The following SMARCE1 variants were observed in gnomAD, a reference collection of about 807,000 sequenced individuals.
The protein encoded by SMARCE1 is SWI/SNF related BAF chromatin remodeling complex subunit E1, also known as SWI/SNF-related matrix-associated actin-dependent regulator of chromatin subfamily E member 1.
SMARCE1 carries 13 observed loss-of-function variants against 54.9 expected under a neutral mutation model. The ratio of observed to expected loss-of-function variants is 0.24; its 90% CI spans 0.15 to 0.38. The LOEUF is 0.38. SMARCE1 is among the 10% of genes least tolerant of loss of function. SMARCE1 has a pLI of 1.00. For missense variants in SMARCE1, 295 were observed against 523.8 expected, an observed-to-expected ratio of 0.56 and a Z score of 4.26; for synonymous variants, 151 against 175.3, an observed-to-expected ratio of 0.86 and a Z score of 1.10.
In SMARCE1 at chr17:40,630,727, A is replaced by C. The variant is rs1244331694; in HGVS notation, c.1014T>G (p.Ile338Met). The C allele has an allele frequency of 6.2e-7, 1 of 1,613,960 alleles. No individual in the cohort carries two copies. Among genetic ancestry groups the C allele is most frequent in the Non-Finnish European group, 8.5e-7 (1 of 1,179,942 alleles). ...KGEEKKDDEN[I>M]PMETEETHLE... is the part of the protein sequence containing the mutation. ...CTAGTGGGTTACCTGTCTCCATCGG[A>C]ATGTTCTCGTCGTCTTTCTTCTCCT... Residue 338 changes from isoleucine (I) to methionine (M), a missense_variant, in exon 10 of 11, where the codon ATT (isoleucine) becomes ATG (methionine). By Grantham distance (10) the Ile-to-Met change is conservative. This residue lies in a region of SMARCE1 where 147 missense variants were observed against 161.4 expected (regional missense o/e 0.91). Coordinates refer to ENST00000348513, the MANE Select transcript of SMARCE1 (RefSeq NM_003079.5).
chr17:40,627,344 C>G lies in SMARCE1; in HGVS notation c.*1441G>C, dbSNP rs1034497536. ...CCACTTAAATTAACTCATGCTGGTA[C>G]AGAGTCCTCTCCATATAGGCACAGG... On this transcript the variant is annotated 3_prime_UTR_variant, in exon 11 of 11. Coordinates refer to ENST00000348513, the MANE Select transcript of SMARCE1 (RefSeq NM_003079.5). 3 of 150,952 alleles carry G rather than the reference C, an allele frequency of 2.0e-5. No homozygotes were observed. The highest frequency in any genetic ancestry group is 7.5e-5 in the African/African-American group (3 of 40,258). The allele number at this position is 150,952 out of a possible 1,614,324, so 9.4% of individuals were successfully genotyped here.
chr17:40,630,220 T>A, intron 10 of SMARCE1: 1 of 1,513,600 alleles, frequency 6.6e-7, no homozygotes, highest in Non-Finnish European at 9.0e-7. Flanking sequence ...TGAGGGATGC[T>A]TTTAATCAGG....
In SMARCE1 at chr17:40,642,236, A is replaced by T. The variant is rs1597749582; in HGVS notation, c.156+219T>A. ...CAAGGCTTTAACCCTACCAACCACC[A>T]AACAGAATGGATTTTTCTTTTCTTC... On this transcript the variant is annotated intron_variant, in intron 4 of 10. Coordinates refer to ENST00000348513, the MANE Select transcript of SMARCE1 (RefSeq NM_003079.5). The surrounding 1 kb of genome is among the most constrained non-coding windows in gnomAD (Gnocchi z 4.6). The T allele has an allele frequency of 1.6e-6, 1 of 618,842 alleles. No individual in the cohort carries two copies. The highest frequency in any genetic ancestry group is 2.8e-6 in the Non-Finnish European group (1 of 350,936). The allele number at this position is 618,842 out of a possible 1,614,324, so 38.3% of individuals were successfully genotyped here. A position where few individuals can be genotyped will look rare whatever the true frequency, so the allele number is the denominator to read the frequency against.
chr17:40,642,763 T>C lies in SMARCE1; in HGVS notation c.52-204A>G. 1 of 543,086 alleles carries C rather than the reference T, an allele frequency of 1.8e-6. No homozygotes were observed. The allele number at this position is 543,086 out of a possible 1,614,324, so 33.6% of individuals were successfully genotyped here. A position where few individuals can be genotyped will look rare whatever the true frequency, so the allele number is the denominator to read the frequency against. On this transcript the variant is annotated intron_variant, in intron 3 of 10. Coordinates refer to ENST00000348513, the MANE Select transcript of SMARCE1 (RefSeq NM_003079.5). This position sits in a 1 kb window ranked among gnomAD's most constrained non-coding sequence, Gnocchi z 4.6. ...GAAACCTGTCTGCAGTGTCTTTTGG[T>C]TGTTTTTCTCTTTCTTTTTTGCAGG...
In SMARCE1 at chr17:40,642,293, T is replaced by C; in HGVS notation, c.156+162A>G. 2.9e-6 allele frequency: 2 copies of C among 680,364 alleles called. No individual in the cohort carries two copies. The highest frequency in any genetic ancestry group is 5.4e-5 in the East Asian group (2 of 37,208). The allele number at this position is 680,364 out of a possible 1,614,324, so 42.1% of individuals were successfully genotyped here. ...CATTCCAGATCTCACTATTTATTTTTTCAGTGTGAGATGCTACAACGAATG... is the reference window on the plus strand; with the variant it reads ...CATTCCAGATCTCACTATTTATTTTCTCAGTGTGAGATGCTACAACGAATG... On this transcript the variant is annotated intron_variant, in intron 4 of 10. Transcript: ENST00000348513. The surrounding 1 kb of genome is among the most constrained non-coding windows in gnomAD (Gnocchi z 4.6).
intron 1 of SMARCE1, 114 bp downstream of exon 1, chr17:40,647,659 G>A (rs1271796855): frequency 6.5e-6 from 1 of 152,758 alleles, no homozygotes; most frequent in Non-Finnish European, 1.5e-5. Context: ...TCCTGGCTCT[G>A]GCCCCACGGC....
chr17:40,630,020 G>A (rs777038497), intron 10 of SMARCE1: 5 of 430,014 alleles, frequency 1.2e-5, no homozygotes, highest in Non-Finnish European at 1.6e-5. Flanking sequence ...TTCTTGCAAC[G>A]ATGCTCCAGG....
chr17:40,631,259 A>G, intron 9 of SMARCE1: 1 of 335,578 alleles, frequency 3.0e-6, no homozygotes, highest in Non-Finnish European at 5.4e-6. Context: ...CAAAGTGCAA[A>G]TTATAAATTA....
At chr17:40,646,022 T>C (rs1475355389) in intron 1 of SMARCE1, among the ~76,000 whole-genome samples, 175 bp from the exon 2 acceptor site, 5 of 152,208 alleles carry the variant, frequency 3.3e-5, no homozygotes, top group African/African-American at 1.2e-4. Context: ...GGTCATTTGG[T>C]TGATTAGAAT....
chr17:40,635,821 T>C (rs1011954660), intron 7 of SMARCE1, 110 bp downstream of exon 7: 1 of 798,572 alleles, frequency 1.3e-6, no homozygotes, highest in African/African-American at 1.8e-5. Context: ...ATACTTAAAT[T>C]ATACTTTCTT....
intron 6 of SMARCE1, 121 bp downstream of exon 6, chr17:40,636,274 T>TA: frequency 8.3e-7 from 1 of 1,209,734 alleles, no homozygotes; most frequent in Admixed American, 2.1e-5. Context: ...TTGACTCAGG[T>TA]AGACAGAGCC....
intron 10 of SMARCE1, chr17:40,630,317 A>G (rs1480701870): frequency 2.0e-6 from 2 of 980,174 alleles, no homozygotes; most frequent in Non-Finnish European, 3.2e-6. Flanking sequence ...AATATTTTAG[A>G]CTTCGCAGGC....
intron 4 of SMARCE1, chr17:40,640,794 C>T (rs1416871106): frequency 6.6e-6 from 1 of 152,158 alleles, no homozygotes; most frequent in Non-Finnish European, 1.5e-5. Flanking sequence ...TGTCCAACAA[C>T]TCTCTATAAT....
intron 10 of SMARCE1, chr17:40,629,762 G>C (rs999564528): frequency 5.1e-6 from 2 of 392,000 alleles, no homozygotes; most frequent in Non-Finnish European, 9.0e-6. Flanking sequence ...GCAAAAATCA[G>C]TTATTTTAAT....
chr17:40,635,860 A>T, intron 7 of SMARCE1, 71 bp downstream of exon 7: 1 of 1,144,156 alleles, frequency 8.7e-7, no homozygotes, highest in Non-Finnish European at 1.2e-6. Context: ...ATAAAAACTT[A>T]TACTTAAGAG....
chr17:40,632,384 G>T lies in SMARCE1; in HGVS notation c.542-17C>A. The T allele has an allele frequency of 1.2e-6, 2 of 1,609,648 alleles. No individual in the cohort carries two copies. The highest frequency in any genetic ancestry group is 1.7e-6 in the Non-Finnish European group (2 of 1,177,178). On this transcript the variant is annotated splice_polypyrimidine_tract_variant and intron_variant, in intron 7 of 10. Coordinates refer to ENST00000348513, the MANE Select transcript of SMARCE1 (RefSeq NM_003079.5). The stretch of plus-strand genomic sequence containing the variant: ...CATCATAATCTGGAGTGAACAAATT[G>T]TTCTGGAAATCAGGTCACCAGTAAC...
intron 9 of SMARCE1, 71 bp downstream of exon 9, chr17:40,631,521 G>A (rs1380005092): frequency 1.2e-6 from 1 of 820,814 alleles, no homozygotes; most frequent in Non-Finnish European, 2.0e-6. Context: ...CACTATTTTG[G>A]AAAAAAGAAT....
chr17:40,642,734 T>C lies in SMARCE1; in HGVS notation c.52-175A>G, dbSNP rs1488571034. Among the ~76,000 whole-genome samples, 2 of 152,244 alleles carry C rather than the reference T, an allele frequency of 1.3e-5. No homozygotes were observed. The highest frequency in any genetic ancestry group is 6.5e-5 in the Admixed American group (1 of 15,286). ...GAGGAAATTAAATATTTTTCTTTCA[T>C]TGAGAAACCTGTCTGCAGTGTCTTT... On this transcript the variant is annotated intron_variant, in intron 3 of 10. Transcript: ENST00000348513. This position sits in a 1 kb window ranked among gnomAD's most constrained non-coding sequence, Gnocchi z 4.6.
At chr17:40,646,906 G>A (rs949834305) in intron 1 of SMARCE1, among the ~76,000 whole-genome samples, 1 of 152,162 alleles carries the variant, frequency 6.6e-6, no homozygotes, top group Non-Finnish European at 1.5e-5. Context: ...GGTCCAACCT[G>A]AGTCTTTCCC....
Sources: allele counts gnomAD v4.1 joint callset (sites outside exome capture counted in the v4.1 genomes callset), GRCh38; gene constraint gnomAD v4.1.1; regional missense constraint gnomAD v4.1.1; non-coding constraint Gnocchi (gnomAD v3.1); transcripts MANE v1.5; gene names NCBI Gene and HGNC (gene_info 2026-07-23, HGNC 2026-07-21).